The following THEMIS variants were observed in gnomAD, a reference collection of about 807,000 sequenced individuals.
THEMIS encodes the protein protein THEMIS.
In THEMIS, 37 loss-of-function variants were observed where a neutral mutation model predicts 52.6. The ratio of observed to expected loss-of-function variants is 0.70; its 90% CI spans 0.54 to 0.93. The LOEUF is 0.93. Among genes scored for constraint, THEMIS ranks in the 40% least tolerant of loss-of-function variants. The probability of loss-of-function intolerance (pLI) is 0.00; values close to 1 mark genes in which losing one functional copy is unlikely to be tolerated. For missense variants in THEMIS, 808 were observed against 763.1 expected, an observed-to-expected ratio of 1.06 and a Z score of -0.69; for synonymous variants, 292 against 272.7, an observed-to-expected ratio of 1.07 and a Z score of -0.70.
At chr6:127,803,205 G>A (rs1393837593) in intron 4 of THEMIS, among the ~76,000 whole-genome samples, 2 of 152,044 alleles carry the variant, frequency 1.3e-5, no homozygotes, top group Non-Finnish European at 2.9e-5. Flanking sequence ...TATTTTAATG[G>A]CTGTATTCAG....
At chr6:127,886,638 G>C (rs1284281111) in intron 1 of THEMIS, among the ~76,000 whole-genome samples, 1 of 152,078 alleles carries the variant, frequency 6.6e-6, no homozygotes, top group Non-Finnish European at 1.5e-5. Context: ...TGTTTATGAG[G>C]CTTTCCACAC....
In THEMIS at chr6:127,798,728, C is replaced by G. The variant is rs558580239; in HGVS notation, c.1758+14155G>C. Among the ~76,000 whole-genome samples, 255 of 152,202 alleles carry G rather than the reference C, an allele frequency of 1.7e-3. 2 individuals carry two copies. The highest frequency in any genetic ancestry group is 2.2e-3 in the Non-Finnish European group (150 of 67,994). The stretch of plus-strand genomic sequence containing the variant: ...AAAGACGGCCGGGCGCGGTGGCTCA[C>G]GCCTGTAATCCCAGCACTTTGGGAG... On this transcript the variant is annotated intron_variant, in intron 4 of 5. Transcript: ENST00000368248.
At chr6:127,794,917 T>C (rs1298778535) in intron 4 of THEMIS, among the ~76,000 whole-genome samples, 2 of 152,348 alleles carry the variant, frequency 1.3e-5, no homozygotes, top group Non-Finnish European at 2.9e-5. Flanking sequence ...GGAGGTGTTT[T>C]ATTACTGATG....
At chr6:127,741,626 G>A (rs527367156) in intron 4 of THEMIS, among the ~76,000 whole-genome samples, 2 of 152,328 alleles carry the variant, frequency 1.3e-5, no homozygotes, top group African/African-American at 4.8e-5. Context: ...AGTTATCTAA[G>A]TGACCTGTGG....
rs185551573 is a variant in THEMIS at position 127,726,939 on chromosome 6, T to A, written c.1759-7116A>T. On this transcript the variant is annotated intron_variant, in intron 4 of 5. Coordinates refer to ENST00000368248, the MANE Select transcript of THEMIS (RefSeq NM_001010923.3). ...TTAAAATGAGGTCTGAATAGACAGC[T>A]AATCTGTACAATTATTATTCTTAAT... Among the ~76,000 whole-genome samples, 31 of 152,332 alleles carry A rather than the reference T, an allele frequency of 2.0e-4. No homozygotes were observed. The East Asian group carries it at 5.8e-3, about 28-fold the overall frequency.
chr6:127,726,480 A>G (rs946374385), intron 4 of THEMIS, among the ~76,000 whole-genome samples: 3 of 152,140 alleles, frequency 2.0e-5, no homozygotes, highest in South Asian at 4.1e-4. Context: ...GAAATTCTTC[A>G]TTACTATTAA....
At chr6:127,858,136 AATT>A (rs1209584961) in intron 1 of THEMIS, among the ~76,000 whole-genome samples, 2 of 152,082 alleles carry the variant, frequency 1.3e-5, no homozygotes, top group African/African-American at 4.8e-5. Context: ...TAAAAAGATA[AATT>A]TATGTGAGAT....
downstream of THEMIS, among the ~76,000 whole-genome samples, chr6:127,703,997 G>T (rs72965729): frequency 0.055 from 8,311 of 152,218 alleles, 263 homozygotes; most frequent in Non-Finnish European, 0.08. Flanking sequence ...GCAGGAGGGA[G>T]CAAGGACACT....
At chr6:127,910,706 C>A (rs1244868411) in intron 1 of THEMIS, among the ~76,000 whole-genome samples, 2 of 152,178 alleles carry the variant, frequency 1.3e-5, no homozygotes, top group Non-Finnish European at 2.9e-5. Context: ...TATACCCATA[C>A]AAACACCTGT....
the THEMIS span, among the ~76,000 whole-genome samples, chr6:127,702,789 A>C: frequency 4.6e-5 from 7 of 152,166 alleles, no homozygotes; most frequent in African/African-American, 1.7e-4. Context: ...GGCACATCTC[A>C]CATAGTGGCA....
chr6:127,763,170 C>G (rs1330007271), intron 4 of THEMIS, among the ~76,000 whole-genome samples: 1 of 151,842 alleles, frequency 6.6e-6, no homozygotes, highest in African/African-American at 2.4e-5. Flanking sequence ...ATAACTTGTA[C>G]AGGGAAAGGT....
At position 127,855,099 on chromosome 6, in the gene THEMIS, C is replaced by T. The variant is rs1201822987; in HGVS notation, c.181G>A (p.Ala61Thr). ...ITGLKVKKII[A>T]EICEQIEGCE... ...CCTTCAATCTGCTCACAAATTTCAG[C>T]TATGATCTTCTTAACTTTGAGACCA... The change falls in exon 2 of 6, where the codon GCT (alanine) becomes ACT (threonine). Residue 61 changes from alanine (A) to threonine (T), a missense_variant. Coordinates refer to ENST00000368248, the MANE Select transcript of THEMIS (RefSeq NM_001010923.3). 4 of 1,611,440 alleles carry T rather than the reference C, an allele frequency of 2.5e-6. No individual in the cohort carries two copies.
At chr6:127,712,005 A>C (rs1449004434) in intron 5 of THEMIS, among the ~76,000 whole-genome samples, 1 of 151,990 alleles carries the variant, frequency 6.6e-6, no homozygotes, top group African/African-American at 2.4e-5. Context: ...CAAATGAAAT[A>C]ATGAGCTTGC....
At chr6:127,718,229 T>G (rs1774238353) in intron 5 of THEMIS, among the ~76,000 whole-genome samples, 1 of 151,964 alleles carries the variant, frequency 6.6e-6, no homozygotes, top group Admixed American at 6.6e-5. Context: ...ATTGCCAAGA[T>G]GTTCATACTG....
intron 4 of THEMIS, among the ~76,000 whole-genome samples, chr6:127,786,217 C>T (rs1776943479): frequency 6.6e-6 from 1 of 151,998 alleles, no homozygotes; most frequent in African/African-American, 2.4e-5. Context: ...GCAAAATTAC[C>T]CTGTTCTAGC....
intron 1 of THEMIS, among the ~76,000 whole-genome samples, chr6:127,916,808 T>C (rs1271528421): frequency 2.0e-5 from 3 of 152,104 alleles, no homozygotes; most frequent in Non-Finnish European, 4.4e-5. Context: ...CCTCAAATAA[T>C]GTACTACCAG....
chr6:127,822,901 GA>G (rs1205737986), intron 3 of THEMIS, among the ~76,000 whole-genome samples: 9 of 152,022 alleles, frequency 5.9e-5, no homozygotes, highest in Admixed American at 3.3e-4. Context: ...CCTGAGTTTT[GA>G]GCCTGTGCAG....
intron 4 of THEMIS, among the ~76,000 whole-genome samples, chr6:127,787,385 C>T (rs1776987613): frequency 6.6e-6 from 1 of 152,066 alleles, no homozygotes; most frequent in Non-Finnish European, 1.5e-5. Flanking sequence ...ATCACTAGTC[C>T]ACTAGGTCCG....
chr6:127,819,660 C>T (rs746871327), intron 3 of THEMIS, among the ~76,000 whole-genome samples: 38 of 152,062 alleles, frequency 2.5e-4, no homozygotes, highest in Non-Finnish European at 4.6e-4. Context: ...AAAAACCCAC[C>T]AACCTAGAAT....
Sources: gnomAD v4.1 joint callset for allele counts (sites outside exome capture counted in the v4.1 genomes callset) on GRCh38, gnomAD v4.1.1 for gene constraint, MANE v1.5 for transcripts, NCBI Gene and HGNC (gene_info 2026-07-23, HGNC 2026-07-21) for gene names.